Variants in RNF122 observed in about 807,000 individuals in gnomAD.
The protein encoded by RNF122 is ring finger protein 122.
In RNF122, 17 loss-of-function variants were observed where a neutral mutation model predicts 24.2. That is an observed-to-expected ratio of 0.70 (90% CI 0.48 to 1.06). The LOEUF (loss-of-function observed/expected upper bound fraction) is 1.06. Ranked by LOEUF, RNF122 falls within the 50% of genes least tolerant of loss-of-function variation. The pLI, the probability that RNF122 is intolerant of heterozygous loss-of-function variation, is 0.00. For missense variants in RNF122, 168 were observed against 198.1 expected (o/e 0.85, Z 0.91); for synonymous variants, 65 against 71.8 (o/e 0.91, Z 0.48).
At chr8:33,565,314 C>T (rs1009594029) in intron 1 of RNF122, among the ~76,000 whole-genome samples, 1 of 152,154 alleles carries the variant, frequency 6.6e-6, no homozygotes, top group African/African-American at 2.4e-5. Flanking sequence ...TACCCAAACC[C>T]TGCCTCAAAA....
chr8:33,559,837 G>A (rs954522910), intron 1 of RNF122, among the ~76,000 whole-genome samples: 4 of 129,684 alleles, frequency 3.1e-5, no homozygotes, highest in African/African-American at 3.2e-5. Flanking sequence ...CAGGACCTAC[G>A]CTGTTTTTTT....
In RNF122 at chr8:33,558,735, T is replaced by C. The variant is rs1240130576; in HGVS notation, c.62A>G (p.Lys21Arg). 3.1e-6 allele frequency: 5 copies of C among 1,608,816 alleles called. No homozygotes were observed. The Admixed American group carries it at 8.4e-5, about 27-fold the overall frequency. The change falls in exon 2 of 6, where the codon AAG (lysine) becomes AGG (arginine). Residue 21 changes from lysine to arginine, a missense_variant. Lys to Arg is a conservative substitution (Grantham distance 26, BLOSUM62 2). Coordinates refer to ENST00000256257, the MANE Select transcript of RNF122 (RefSeq NM_024787.3). ...ACTGATGGGTGGCATCGAGCAGGAC[T>C]TGTTGGTGCTAACCAGTCCCAGGCC... The part of the protein sequence containing the change: ...FCGLGLVSTN[K>R]SCSMPPISFQ...
chr8:33,564,892 AAT>A (rs1563371391), intron 1 of RNF122, among the ~76,000 whole-genome samples: 17 of 152,132 alleles, frequency 1.1e-4, no homozygotes, highest in African/African-American at 4.1e-4. Flanking sequence ...AAAAATAAAA[AAT>A]AAAAAAAATA....
At position 33,548,786 on chromosome 8, in the gene RNF122, C is replaced by T. The variant is rs1032174469; in HGVS notation, c.435G>A (p.Gln145=). Residue 145 remains glutamine (Q), a synonymous_variant, in exon 6 of 6, where the codon CAG becomes CAA. Coordinates refer to ENST00000256257, the MANE Select transcript of RNF122 (RefSeq NM_024787.3). ...GCTCATCCAATAGAATCCCAATGTT[C>T]TGCGTGGCCTCTGAGGGACTAGCAA... is the stretch of plus-strand genomic sequence containing the variant. The part of the protein sequence containing the change: ...KPIASPSEAT[Q]NIGILLDELV 1.2e-6 allele frequency: 2 copies of T among 1,613,760 alleles called. No individual in the cohort carries two copies. Among genetic ancestry groups the T allele is most frequent in the African/African-American group, 1.3e-5 (1 of 74,894 alleles).
chr8:33,549,093 C>T (rs1686348597), intron 5 of RNF122, among the ~76,000 whole-genome samples: 1 of 152,062 alleles, frequency 6.6e-6, no homozygotes, highest in South Asian at 2.1e-4. Flanking sequence ...TGGCGGTGGA[C>T]ACCTGTAATC....
chr8:33,559,840 GTT>G lies in RNF122; in HGVS notation c.26-1071_26-1070del, dbSNP rs34393992. Among the ~76,000 whole-genome samples, 350 of 131,386 alleles carry G rather than the reference GTT, an allele frequency of 2.7e-3. 1 individual carries two copies. Among genetic ancestry groups the G allele is most frequent in the African/African-American group, 3.6e-3 (128 of 35,130 alleles). The allele number at this position is 131,386 out of a possible 152,430, so 86.2% of individuals were successfully genotyped here. A position where few individuals can be genotyped will look rare whatever the true frequency, so the allele number is the denominator to read the frequency against. On this transcript the variant is annotated intron_variant, in intron 1 of 5. Coordinates refer to ENST00000256257, the MANE Select transcript of RNF122 (RefSeq NM_024787.3). Reference sequence around the variant, plus strand: ...GCCTAACTGAATCAGGACCTACGCTGTTTTTTTTTTTTTTTTTTTTAAACAGA... The same window carrying G: ...GCCTAACTGAATCAGGACCTACGCTGTTTTTTTTTTTTTTTTTTAAACAGA...
intron 1 of RNF122, among the ~76,000 whole-genome samples, chr8:33,559,942 A>G (rs1057092989): frequency 4.6e-5 from 7 of 151,304 alleles, no homozygotes; most frequent in Admixed American, 4.6e-4. Context: ...CCCAGGTTCA[A>G]GCGATTCTCC....
intron 1 of RNF122, among the ~76,000 whole-genome samples, chr8:33,563,895 T>C (rs1005061783): frequency 6.6e-6 from 1 of 152,174 alleles, no homozygotes; most frequent in African/African-American, 2.4e-5. Context: ...ACAAGCACGA[T>C]GGTCCCCGCA....
chr8:33,555,936 G>A (rs1249815776), intron 2 of RNF122, among the ~76,000 whole-genome samples: 1 of 152,186 alleles, frequency 6.6e-6, no homozygotes, highest in Non-Finnish European at 1.5e-5. Flanking sequence ...GGGAGGCTGA[G>A]GCAGGCAGAT....
At chr8:33,564,886 AT>A (rs1206305354) in intron 1 of RNF122, among the ~76,000 whole-genome samples, 2 of 152,032 alleles carry the variant, frequency 1.3e-5, no homozygotes, top group African/African-American at 4.8e-5. Flanking sequence ...AAAATAAAAA[AT>A]AAAAAATAAA....
In RNF122 at chr8:33,548,886, T is replaced by C. The variant is rs750732773; in HGVS notation, c.354-19A>G. The C allele has an allele frequency of 6.5e-6, 10 of 1,547,290 alleles. No individual in the cohort carries two copies. The Admixed American group carries it at 1.5e-4, about 23-fold the overall frequency. ...CAGACACCTGAGAACAAATGAGGAA[T>C]GGTAATCTCTAACCAGACAGACCAC... is the stretch of plus-strand genomic sequence containing the variant. On this transcript the variant is annotated intron_variant, in intron 5 of 5. Transcript: ENST00000256257.
intron 1 of RNF122, among the ~76,000 whole-genome samples, chr8:33,560,645 T>C (rs1283154912): frequency 2.0e-5 from 3 of 151,748 alleles, no homozygotes; most frequent in African/African-American, 4.8e-5. Flanking sequence ...CAGTAGAAAG[T>C]CAAATGCTTG....
intron 1 of RNF122, among the ~76,000 whole-genome samples, chr8:33,561,932 C>T (rs370706205): frequency 7.2e-5 from 11 of 152,100 alleles, no homozygotes; most frequent in African/African-American, 2.7e-4. Flanking sequence ...CCCTTCACAA[C>T]TTCCTACTTA....
In RNF122 at chr8:33,551,351, T is replaced by C. The variant is rs772070372; in HGVS notation, c.221A>G (p.Tyr74Cys). 1 of 1,614,170 alleles carries C rather than the reference T, an allele frequency of 6.2e-7. No homozygotes were observed. Among genetic ancestry groups the C allele is most frequent in the African/African-American group, 1.3e-5 (1 of 75,052 alleles). The change falls in exon 3 of 6, where the codon TAT (tyrosine) becomes TGT (cysteine). Residue 74 changes from tyrosine to cysteine, a missense_variant. By Grantham distance (194) the Tyr-to-Cys change is radical. Transcript: ENST00000256257. ...RNQAQSERYG[Y>C]KEVVLKGDAK... ...AAACACGCAGCACTTTACCTCCTTA[T>C]ATCCGTATCGCTCACTCTGTGCCTG...
At chr8:33,565,417 TGA>T (rs932908561) in intron 1 of RNF122, among the ~76,000 whole-genome samples, 2 of 152,014 alleles carry the variant, frequency 1.3e-5, no homozygotes, top group Non-Finnish European at 2.9e-5. Context: ...CTTGCCATAC[TGA>T]GAGATAAGGC....
rs1554531516 is a variant in RNF122 at position 33,547,979 on chromosome 8, T to TC, written c.*773dup. The TC allele has an allele frequency of 1.4e-4, 1 of 6,970 alleles. No individual in the cohort carries two copies. The highest frequency in any genetic ancestry group is 3.0e-4 in the Non-Finnish European group (1 of 3,334). 0.4% of individuals were successfully genotyped at this position (6,970 alleles called of 1,614,324 possible). On this transcript the variant is annotated 3_prime_UTR_variant, in exon 6 of 6. Coordinates refer to ENST00000256257, the MANE Select transcript of RNF122 (RefSeq NM_024787.3). Reference sequence around the variant, plus strand: ...ACCCCCATCCCCACACCCCTTTTGATCAAAAAAAAAAAAAAAAAAAAAAAA... The same window carrying TC: ...ACCCCCATCCCCACACCCCTTTTGATCCAAAAAAAAAAAAAAAAAAAAAAAA...
chr8:33,564,410 T>TA (rs869275161), intron 1 of RNF122, among the ~76,000 whole-genome samples: 1 of 133,404 alleles, frequency 7.5e-6, no homozygotes, highest in Admixed American at 7.3e-5. Context: ...ATTAATTAAT[T>TA]AAAAATTAGC....
At chr8:33,551,832 C>T (rs989871075) in intron 2 of RNF122, among the ~76,000 whole-genome samples, 3 of 152,122 alleles carry the variant, frequency 2.0e-5, no homozygotes, top group Non-Finnish European at 2.9e-5. Context: ...ATTTTCCACC[C>T]GGAGAACATA....
At chr8:33,551,013 G>A (rs201795009) in intron 4 of RNF122, 31 bp downstream of exon 4, 37 of 1,611,124 alleles carry the variant, frequency 2.3e-5, no homozygotes, top group Non-Finnish European at 3.1e-5. Flanking sequence ...ACCTGCTGGG[G>A]CCCTCCTGCA....
Sources: allele counts gnomAD v4.1 joint callset (sites outside exome capture counted in the v4.1 genomes callset), GRCh38; gene constraint gnomAD v4.1.1; transcripts MANE v1.5; gene names NCBI Gene and HGNC (gene_info 2026-07-23, HGNC 2026-07-21).